The following GAN variants were observed in gnomAD, a reference collection of about 807,000 sequenced individuals.
GAN encodes the protein gigaxonin, also known as epididymis secretory sperm binding protein.
GAN carries 48 observed loss-of-function variants against 71.3 expected under a neutral mutation model. That is an observed-to-expected ratio of 0.67 (90% CI 0.53 to 0.86). The LOEUF is 0.86. Ranked by LOEUF, GAN falls within the 40% of genes least tolerant of loss-of-function variation. The probability of loss-of-function intolerance (pLI) is 0.00; values close to 1 mark genes in which losing one functional copy is unlikely to be tolerated. For missense variants in GAN, 928 were observed against 770.1 expected, an observed-to-expected ratio of 1.21 and a Z score of -2.43; for synonymous variants, 386 against 276.8, an observed-to-expected ratio of 1.39 and a Z score of -3.92.
intron 9 of GAN, among the ~76,000 whole-genome samples, chr16:81,375,460 A>G (rs1904277303): frequency 6.6e-6 from 1 of 150,778 alleles, no homozygotes; most frequent in Non-Finnish European, 1.5e-5. Context: ...CCTCAGCCTG[A>G]GTAGCTGGGA....
At chr16:81,376,483 GTGTGTGTGTGTGTGTGTGTGTGTGTGTA>G (rs1904280312) in intron 9 of GAN, among the ~76,000 whole-genome samples, 1 of 145,596 alleles carries the variant, frequency 6.9e-6, no homozygotes, top group Non-Finnish European at 1.5e-5. Context: ...GTGTGTGTGT[GTGTGTGTGTGTGTGTGTGTGTGTGTGTA>G]TGTGTGTGTG....
At position 81,382,320 on chromosome 16, in the gene GAN, T is replaced by A. The variant is rs1375912029; in HGVS notation, c.*4724T>A. On this transcript the variant is annotated 3_prime_UTR_variant, in exon 11 of 11. Coordinates refer to ENST00000648994, the MANE Select transcript of GAN (RefSeq NM_022041.4). ...ATTTTTAGTAATAGAATAATCATTT[T>A]TAGTATTAATACAATTTACGCTCCC... The A allele has an allele frequency of 6.6e-6, 1 of 152,218 alleles. No homozygotes were observed. Among genetic ancestry groups the A allele is most frequent in the African/African-American group, 2.4e-5 (1 of 41,462 alleles). The allele number at this position is 152,218 out of a possible 1,614,324, so 9.4% of individuals were successfully genotyped here.
intron 1 of GAN, 149 bp from the exon 2 acceptor site, chr16:81,351,434 A>T: frequency 1.6e-6 from 1 of 619,992 alleles, no homozygotes; most frequent in Non-Finnish European, 2.9e-6. Flanking sequence ...TTATAGAAAT[A>T]CATAGACCTA....
At chr16:81,374,205 C>G (rs1336476674) in intron 9 of GAN, among the ~76,000 whole-genome samples, 2 of 152,220 alleles carry the variant, frequency 1.3e-5, no homozygotes, top group Non-Finnish European at 2.9e-5. Flanking sequence ...TTACACACTT[C>G]TCTGCATCAT....
Position 81,376,662 on chromosome 16 carries a change from G to A in GAN, c.1503-557G>A, listed in dbSNP as rs969322849. ...TGTGTGTATATATGTGTGTATATAT[G>A]TGTGTATATACATATGTGTATATGT... On this transcript the variant is annotated intron_variant, in intron 9 of 10. Coordinates refer to ENST00000648994, the MANE Select transcript of GAN (RefSeq NM_022041.4). Among the ~76,000 whole-genome samples the A allele has an allele frequency of 6.9e-5, 6 of 87,474 alleles. No homozygotes were observed. The South Asian group carries it at 2.2e-3, about 31-fold the overall frequency. 57.4% of individuals were successfully genotyped at this position (87,474 alleles called of 152,430 possible).
Position 81,386,472 on chromosome 16 carries a change from A to G in GAN, c.*8876A>G, listed in dbSNP as rs556864991. 1 of 152,340 alleles carries G rather than the reference A, an allele frequency of 6.6e-6. No homozygotes were observed. Among genetic ancestry groups the G allele is most frequent in the East Asian group, 1.9e-4 (1 of 5,184 alleles). The allele number at this position is 152,340 out of a possible 1,614,324, so 9.4% of individuals were successfully genotyped here. A position where few individuals can be genotyped will look rare whatever the true frequency, so the allele number is the denominator to read the frequency against. On this transcript the variant is annotated 3_prime_UTR_variant, in exon 11 of 11. Coordinates refer to ENST00000648994, the MANE Select transcript of GAN (RefSeq NM_022041.4). ...GTGTGGAACTTTTGTACCTTTGCAT[A>G]AAGAAGGTTATTTAACAAAGTGGTA...
chr16:81,363,473 G>A (rs1046403802), intron 6 of GAN, among the ~76,000 whole-genome samples: 1 of 85,062 alleles, frequency 1.2e-5, no homozygotes, highest in Non-Finnish European at 2.3e-5. Flanking sequence ...TGGAACACTG[G>A]GAAAAAAGAT....
chr16:81,329,739 C>T (rs1909510359), intron 1 of GAN, among the ~76,000 whole-genome samples: 1 of 152,180 alleles, frequency 6.6e-6, no homozygotes, highest in Non-Finnish European at 1.5e-5. Flanking sequence ...GCCTGTTTTT[C>T]TGGCTCTCCT....
intron 7 of GAN, 73 bp downstream of exon 7, chr16:81,364,016 G>C (rs1353071320): frequency 1.8e-6 from 2 of 1,100,066 alleles, no homozygotes; most frequent in Admixed American, 1.7e-5. Context: ...TTCATATCCT[G>C]AATAAACCTT....
intron 1 of GAN, among the ~76,000 whole-genome samples, chr16:81,339,094 AC>A (rs1212306273): frequency 6.6e-6 from 1 of 152,254 alleles, no homozygotes; most frequent in Non-Finnish European, 1.5e-5. Flanking sequence ...AATTGGAAAT[AC>A]AAAAAACATA....
At position 81,377,633 on chromosome 16, in the gene GAN, G is replaced by A. The variant is rs2150699108; in HGVS notation, c.*37G>A. On this transcript the variant is annotated 3_prime_UTR_variant, in exon 11 of 11. Transcript: ENST00000648994. ...AGCAGAGTGCGAGATCCTGACCCAA[G>A]AGCACCATAACATAGCTCCGAAAGG... 1.9e-6 allele frequency: 3 copies of A among 1,576,596 alleles called. No individual in the cohort carries two copies. The East Asian group carries it at 6.7e-5, about 35-fold the overall frequency.
At chr16:81,317,298 G>T (rs1210330718) in intron 1 of GAN, among the ~76,000 whole-genome samples, 1 of 152,216 alleles carries the variant, frequency 6.6e-6, no homozygotes, top group Non-Finnish European at 1.5e-5. Context: ...CATTTTCATA[G>T]TACACAGACG....
Position 81,384,080 on chromosome 16 carries a change from C to G in GAN, c.*6484C>G, listed in dbSNP as rs907518184. On this transcript the variant is annotated 3_prime_UTR_variant, in exon 11 of 11. Coordinates refer to ENST00000648994, the MANE Select transcript of GAN (RefSeq NM_022041.4). ...TGTACTAACTTGCTTTATCATGTTT[C>G]CTGTTTAATTGGATGAGAATTACAT... 1 of 151,876 alleles carries G rather than the reference C, an allele frequency of 6.6e-6. No individual in the cohort carries two copies. The highest frequency in any genetic ancestry group is 1.5e-5 in the Non-Finnish European group (1 of 67,974). 9.4% of individuals were successfully genotyped at this position (151,876 alleles called of 1,614,324 possible).
chr16:81,377,290 T>C lies in GAN; in HGVS notation c.1574T>C (p.Ile525Thr). ...TCTTTTGTTTATGGAGCTGTACCTA[T>C]AGGAGCCAGTATTTATGTTATTGGA... ...SSSFVYGAVP[I>T]GASIYVIGDL... Residue 525 changes from isoleucine to threonine, a missense_variant, in exon 10 of 11, where the codon ATA becomes ACA. Ile to Thr is a moderately conservative substitution (Grantham distance 89, BLOSUM62 -1). Transcript: ENST00000648994. 1.2e-6 allele frequency: 2 copies of C among 1,609,426 alleles called. No individual in the cohort carries two copies. Among genetic ancestry groups the C allele is most frequent in the Non-Finnish European group, 1.7e-6 (2 of 1,175,698 alleles).
At chr16:81,376,465 A>ACGTG (rs1555512670) in intron 9 of GAN, among the ~76,000 whole-genome samples, 1 of 127,162 alleles carries the variant, frequency 7.9e-6, no homozygotes, top group Admixed American at 8.0e-5. Context: ...ATACATACAT[A>ACGTG]TGTGTGTGTG....
chr16:81,366,468 C>T (rs1910860444), intron 9 of GAN, among the ~76,000 whole-genome samples: 1 of 152,098 alleles, frequency 6.6e-6, no homozygotes, highest in Admixed American at 6.5e-5. Context: ...ATGTTTAAAT[C>T]CTAAGGGGAA....
chr16:81,385,200 C>G lies in GAN; in HGVS notation c.*7604C>G, dbSNP rs774237917. On this transcript the variant is annotated 3_prime_UTR_variant, in exon 11 of 11. Transcript: ENST00000648994. ...ACAAAGCTTCTCCTCCAATGACAATCTGTTAGCACCCTGTTGACTTAGCTC... is the reference window on the plus strand; with the variant it reads ...ACAAAGCTTCTCCTCCAATGACAATGTGTTAGCACCCTGTTGACTTAGCTC... The G allele has an allele frequency of 3.9e-5, 6 of 152,236 alleles. No individual in the cohort carries two copies. The highest frequency in any genetic ancestry group is 8.8e-5 in the Non-Finnish European group (6 of 68,044). The allele number at this position is 152,236 out of a possible 1,614,324, so 9.4% of individuals were successfully genotyped here.
chr16:81,371,504 T>C (rs1911034802), intron 9 of GAN, among the ~76,000 whole-genome samples: 1 of 152,236 alleles, frequency 6.6e-6, no homozygotes. Flanking sequence ...TTGCAAGCTG[T>C]GCCACCTGCC....
chr16:81,346,876 C>T (rs1910136126), intron 1 of GAN, among the ~76,000 whole-genome samples: 1 of 152,192 alleles, frequency 6.6e-6, no homozygotes, highest in Non-Finnish European at 1.5e-5. Flanking sequence ...CAGTGTCTCT[C>T]CAGTGCCTTT....
Sources: allele counts gnomAD v4.1 joint callset (sites outside exome capture counted in the v4.1 genomes callset), GRCh38; gene constraint gnomAD v4.1.1; transcripts MANE v1.5; gene names NCBI Gene and HGNC (gene_info 2026-07-23, HGNC 2026-07-21).